The following PRDM8 variants were observed in gnomAD, a reference collection of about 807,000 sequenced individuals.
The protein encoded by PRDM8 is PR/SET domain 8.
PRDM8 carries 13 observed loss-of-function variants against 46.5 expected under a neutral mutation model. The ratio of observed to expected loss-of-function variants is 0.28; its 90% CI spans 0.18 to 0.44. The LOEUF is 0.44. PRDM8 is among the 20% of genes least tolerant of loss of function. PRDM8 has a pLI of 1.00. For synonymous variants in PRDM8, 473 were observed against 438.4 expected (o/e 1.08, Z -0.98); for missense variants, 998 against 955.0 (o/e 1.04, Z -0.59).
At position 80,202,354 on chromosome 4, in the gene PRDM8, G is replaced by A. The variant is rs1273411289; in HGVS notation, c.892G>A (p.Ala298Thr). Residue 298 changes from alanine (A) to threonine (T), a missense_variant, in exon 4 of 4, where the codon GCG (alanine) becomes ACG (threonine). Physicochemically the swap from Ala to Thr is moderately conservative, Grantham distance 58. Transcript: ENST00000415738. Reference sequence around the variant, plus strand: ...CGGCGGCGGCGGCGGCCACCAGGAGGCGGAGCTGAGTCCCGACGGCATCGC... The same window carrying A: ...CGGCGGCGGCGGCGGCCACCAGGAGACGGAGCTGAGTCCCGACGGCATCGC... ...GSGGGGGHQE[A>T]ELSPDGIATG... is the part of the protein sequence containing the mutation. 1.2e-6 allele frequency: 2 copies of A among 1,600,816 alleles called. No individual in the cohort carries two copies. The highest frequency in any genetic ancestry group is 1.7e-4 in the Middle Eastern group (1 of 6,018).
upstream of PRDM8, chr4:80,196,944 T>C: frequency 3.0e-6 from 3 of 985,422 alleles, no homozygotes; most frequent in Non-Finnish European, 3.6e-6. Context: ...CCAAAGCGCA[T>C]CCTTTCTGAA....
intron 3 of PRDM8, 118 bp from the exon 4 acceptor site, chr4:80,201,796 G>T: frequency 7.0e-7 from 1 of 1,426,382 alleles, no homozygotes; most frequent in South Asian, 1.2e-5. Flanking sequence ...AAATGAAGGT[G>T]GATTTGTCAA....
chr4:80,200,396 C>A, intron 2 of PRDM8, 97 bp downstream of exon 2: 1 of 1,158,978 alleles, frequency 8.6e-7, no homozygotes, highest in Non-Finnish European at 1.2e-6. Flanking sequence ...TAGGTTTTGC[C>A]TGTGGAAAAA....
upstream of PRDM8, chr4:80,196,532 A>ACGGCCT: frequency 1.0e-6 from 1 of 985,390 alleles, no homozygotes; most frequent in Non-Finnish European, 1.2e-6. Flanking sequence ...GGCTCCCGAG[A>ACGGCCT]CGGCCTCGGC....
Position 80,197,779 on chromosome 4 carries a change from T to C in PRDM8, c.-3+16T>C, listed in dbSNP as rs1475042827. The C allele has an allele frequency of 4.1e-6, 4 of 985,116 alleles. No homozygotes were observed. The highest frequency in any genetic ancestry group is 1.7e-5 in the African/African-American group (1 of 57,178). The allele number at this position is 985,116 out of a possible 1,614,324, so 61.0% of individuals were successfully genotyped here. ...CTTATTCCTGGTAAGTCTATTTGCATTGATGTGGGAGGGGGATGGGAGGAA... is the reference window on the plus strand; with the variant it reads ...CTTATTCCTGGTAAGTCTATTTGCACTGATGTGGGAGGGGGATGGGAGGAA... On this transcript the variant is annotated intron_variant, in intron 1 of 3. Transcript: ENST00000415738.
Position 80,201,964 on chromosome 4 carries a change from T to C in PRDM8, c.502T>C (p.Phe168Leu). The C allele has an allele frequency of 6.2e-7, 1 of 1,613,826 alleles. No homozygotes were observed. Among genetic ancestry groups the C allele is most frequent in the Middle Eastern group, 1.7e-4 (1 of 6,060 alleles). The change falls in exon 4 of 4, where the codon TTC becomes CTC. Residue 168 changes from phenylalanine (F) to leucine (L), a missense_variant. By Grantham distance (22) the Phe-to-Leu change is conservative (BLOSUM62 0). Transcript: ENST00000415738. Reference protein sequence around the residue: ...LECSQRFQFEFPYVAHLRFRC... With the variant: ...LECSQRFQFELPYVAHLRFRC... ...ATGCAGCCAACGTTTCCAGTTTGAG[T>C]TCCCCTATGTGGCGCATCTGCGTTT...
At chr4:80,192,990 T>A (rs3796598), upstream of PRDM8, among the ~76,000 whole-genome samples, 45,658 of 152,100 alleles carry the variant, frequency 0.3, 7,312 homozygotes, top group East Asian at 0.65. Flanking sequence ...AACTTGGGAA[T>A]GGCTAAGAGA....
chr4:80,198,983 T>G (rs1402863020), intron 1 of PRDM8, among the ~76,000 whole-genome samples: 3 of 105,240 alleles, frequency 2.9e-5, no homozygotes, highest in African/African-American at 1.5e-4. Context: ...TTTTTGGGTT[T>G]TTTTTTTTTT....
chr4:80,196,596 A>C, upstream of PRDM8: 2 of 985,342 alleles, frequency 2.0e-6, no homozygotes, highest in South Asian at 9.4e-5. Flanking sequence ...TCCGGAGCCC[A>C]TCTTGGTAAT....
Position 80,200,189 on chromosome 4 carries a change from G to C in PRDM8, c.109G>C (p.Glu37Gln). The change falls in exon 2 of 4, where the codon GAG (glutamate) becomes CAG (glutamine). Residue 37 changes from glutamate to glutamine, a missense_variant. Glu to Gln is a conservative substitution (Grantham distance 29). Coordinates refer to ENST00000415738, the MANE Select transcript of PRDM8 (RefSeq NM_001099403.2). Reference protein sequence around the residue: ...TSVYTTCDIPENAIFGPCVLS... With the variant: ...TSVYTTCDIPQNAIFGPCVLS... ...CGTTTACACCACCTGCGACATCCCT[G>C]AGAATGCTATATTTGGTCCCTGTGT... 1 of 1,614,084 alleles carries C rather than the reference G, an allele frequency of 6.2e-7. No homozygotes were observed.
intron 1 of PRDM8, among the ~76,000 whole-genome samples, chr4:80,185,909 T>A (rs1737037875): frequency 1.3e-5 from 2 of 152,192 alleles, no homozygotes; most frequent in African/African-American, 4.8e-5. Context: ...GCCAATAAAT[T>A]AGCTTTAGGA....
Position 80,202,186 on chromosome 4 carries a change from G to T in PRDM8, c.724G>T (p.Glu242Ter), listed in dbSNP as rs759233345. 1 of 1,611,978 alleles carries T rather than the reference G, an allele frequency of 6.2e-7. No homozygotes were observed. Among genetic ancestry groups the T allele is most frequent in the Non-Finnish European group, 8.5e-7 (1 of 1,179,740 alleles). ...CCACCACTACCCATCCCCCTCCCCGGAAAGCAGCAACCCATCCGCTGCCGC... is the reference window on the plus strand; with the variant it reads ...CCACCACTACCCATCCCCCTCCCCGTAAAGCAGCAACCCATCCGCTGCCGC... ...PLHHYPSPSP[E>*]SSNPSAAAGG... Residue 242 changes from glutamate (E) to a stop codon, truncating the protein, a stop_gained, in exon 4 of 4, where the codon GAA becomes TAA. Coordinates refer to ENST00000415738, the MANE Select transcript of PRDM8 (RefSeq NM_001099403.2). LOFTEE classifies it high-confidence loss of function.
chr4:80,191,365 G>C (rs1737530311), intron 1 of PRDM8: 1 of 152,174 alleles, frequency 6.6e-6, no homozygotes, highest in South Asian at 2.1e-4. Context: ...GAATGTATGA[G>C]TGTTTTATTT....
At chr4:80,186,279 T>G (rs1161012123) in intron 1 of PRDM8, among the ~76,000 whole-genome samples, 1 of 106,630 alleles carries the variant, frequency 9.4e-6, no homozygotes, top group Non-Finnish European at 2.2e-5. Flanking sequence ...TGGGCCTTAT[T>G]AGGAGCCTTT....
chr4:80,185,573 A>G (rs1737010461), intron 1 of PRDM8: 1 of 152,264 alleles, frequency 6.6e-6, no homozygotes, highest in Non-Finnish European at 1.5e-5. Flanking sequence ...CCTCATGCAC[A>G]GAGTGTGGTT....
chr4:80,202,321 A>G lies in PRDM8; in HGVS notation c.859A>G (p.Ser287Gly), dbSNP rs1399866681. The stretch of plus-strand genomic sequence containing the variant: ...CCCAGCCCAGAGCCTCAGCAGCGGT[A>G]GCGGCAGCGGCGGCGGCGGCGGCCA... ...CSPAQSLSSG[S>G]GSGGGGGHQE... Residue 287 changes from serine (S) to glycine (G), a missense_variant, in exon 4 of 4, where the codon AGC becomes GGC. Ser to Gly is a moderately conservative substitution (Grantham distance 56). Coordinates refer to ENST00000415738, the MANE Select transcript of PRDM8 (RefSeq NM_001099403.2). 3 of 1,601,174 alleles carry G rather than the reference A, an allele frequency of 1.9e-6. No homozygotes were observed. The highest frequency in any genetic ancestry group is 2.6e-6 in the Non-Finnish European group (3 of 1,173,630).
chr4:80,201,147 A>T (rs1251166271), intron 2 of PRDM8, 143 bp from the exon 3 acceptor site: 1 of 748,878 alleles, frequency 1.3e-6, no homozygotes, highest in Non-Finnish European at 2.2e-6. Context: ...AGCTTGGGCC[A>T]AACTTTTGGA....
Position 80,197,771 on chromosome 4 carries a change from T to C in PRDM8, c.-3+8T>C, listed in dbSNP as rs1247114856. 1.0e-6 allele frequency: 1 copy of C among 985,324 alleles called. No homozygotes were observed. 61.0% of individuals were successfully genotyped at this position (985,324 alleles called of 1,614,324 possible). A position where few individuals can be genotyped will look rare whatever the true frequency, so the allele number is the denominator to read the frequency against. ...ATACTGACCTTATTCCTGGTAAGTC[T>C]ATTTGCATTGATGTGGGAGGGGGAT... On this transcript the variant is annotated splice_region_variant and intron_variant, in intron 1 of 3. Coordinates refer to ENST00000415738, the MANE Select transcript of PRDM8 (RefSeq NM_001099403.2).
rs766188088 is a variant in PRDM8, at chr4:80,203,151, G to C, written c.1689G>C (p.Pro563=). Residue 563 remains proline, a synonymous_variant, in exon 4 of 4, where the codon CCG becomes CCC. Transcript: ENST00000415738. ...TGAACGGAGGTTGCGGGTCCCTGCC[G>C]AGCGGCGGCGGCGGCCTGCCTAAGC... ...ADLNGGCGSL[P]SGGGGLPKQS... 1.4e-5 allele frequency: 21 copies of C among 1,546,140 alleles called. No homozygotes were observed. The highest frequency in any genetic ancestry group is 7.4e-5 in the East Asian group (3 of 40,588).
Sources: allele counts gnomAD v4.1 joint callset (sites outside exome capture counted in the v4.1 genomes callset), GRCh38; gene constraint gnomAD v4.1.1; transcripts MANE v1.5; gene names NCBI Gene and HGNC (gene_info 2026-07-23, HGNC 2026-07-21).